PCDHA4: variants seen among roughly 807,000 people sequenced by gnomAD.
PCDHA4 encodes protocadherin alpha-4.
In PCDHA4, 49 loss-of-function variants were observed where a neutral mutation model predicts 61.4. That is an observed-to-expected ratio of 0.80 (90% CI 0.63 to 1.01). The LOEUF is 1.01. Among genes scored for constraint, PCDHA4 ranks in the 50% least tolerant of loss-of-function variants. PCDHA4 has a pLI of 0.00. For synonymous variants in PCDHA4, 590 were observed against 550.3 expected (o/e 1.07, Z -1.01); for missense variants, 1,254 against 1,235.8 (o/e 1.01, Z -0.22).
intron 1 of PCDHA4, among the ~76,000 whole-genome samples, chr5:140,932,112 T>C (rs1211067626): frequency 6.6e-6 from 1 of 151,944 alleles, no homozygotes; most frequent in African/African-American, 2.4e-5. Flanking sequence ...GTATTTCCAA[T>C]TGATAATATT....
intron 1 of PCDHA4, chr5:140,830,542 C>T: frequency 2.5e-6 from 3 of 1,194,226 alleles, no homozygotes; most frequent in Non-Finnish European, 3.4e-6. Flanking sequence ...TAATTGTTTT[C>T]CTCATATTTG....
intron 1 of PCDHA4, chr5:140,856,261 G>C (rs782582964): frequency 6.3e-7 from 1 of 1,598,154 alleles, no homozygotes. Context: ...AAAGACACGG[G>C]GACCTTCTGG....
chr5:140,888,271 T>A (rs1466153758), intron 1 of PCDHA4, among the ~76,000 whole-genome samples: 2 of 152,068 alleles, frequency 1.3e-5, no homozygotes, highest in African/African-American at 4.8e-5. Context: ...TAAGAAACAG[T>A]TTTGTCCCCT....
At chr5:140,857,933 G>A (rs1554150890) in intron 1 of PCDHA4, 2 of 1,597,790 alleles carry the variant, frequency 1.3e-6, no homozygotes, top group Admixed American at 1.7e-5. Context: ...GTACACGGGC[G>A]AGATCAGTAC....
chr5:140,876,870 G>A (rs1278762768), intron 1 of PCDHA4: 2 of 1,614,000 alleles, frequency 1.2e-6, no homozygotes, highest in Non-Finnish European at 1.7e-6. Flanking sequence ...TCGTGAAGGA[G>A]AACAACCCGC....
chr5:140,915,937 G>A (rs782632336), intron 1 of PCDHA4, among the ~76,000 whole-genome samples: 7 of 152,104 alleles, frequency 4.6e-5, no homozygotes, highest in African/African-American at 7.2e-5. Flanking sequence ...GTCAGGGATT[G>A]GAGTCAAAAT....
chr5:140,999,215 C>A (rs1290752092), intron 3 of PCDHA4, among the ~76,000 whole-genome samples: 1 of 152,140 alleles, frequency 6.6e-6, no homozygotes, highest in East Asian at 1.9e-4. Context: ...TCTGGAAGTA[C>A]TACATTTGAG....
intron 2 of PCDHA4, 93 bp downstream of exon 2, chr5:140,979,100 A>C (rs1325676942): frequency 6.5e-7 from 1 of 1,545,710 alleles, no homozygotes; most frequent in African/African-American, 1.4e-5. Context: ...CAGCTGTCAA[A>C]ACTAAAAAGC....
At chr5:140,934,561 TTTAA>T (rs549996624) in intron 1 of PCDHA4, among the ~76,000 whole-genome samples, 1 of 152,208 alleles carries the variant, frequency 6.6e-6, no homozygotes, top group South Asian at 2.1e-4. Flanking sequence ...TCTTCTTTTT[TTTAA>T]TTAATTGTAA....
At chr5:140,975,027 C>G (rs1235916815) in intron 1 of PCDHA4, among the ~76,000 whole-genome samples, 1 of 152,082 alleles carries the variant, frequency 6.6e-6, no homozygotes, top group Non-Finnish European at 1.5e-5. Flanking sequence ...GCTGTGTTGT[C>G]CTTTGCAGGC....
At chr5:140,877,468 C>T in intron 1 of PCDHA4, 1 of 1,613,808 alleles carries the variant, frequency 6.2e-7, no homozygotes, top group Non-Finnish European at 8.5e-7. Context: ...GGCCACGGTG[C>T]TGGTGTCGCT....
At chr5:140,889,176 A>T (rs2062131208) in intron 1 of PCDHA4, among the ~76,000 whole-genome samples, 1 of 151,738 alleles carries the variant, frequency 6.6e-6, no homozygotes, top group South Asian at 2.1e-4. Context: ...CAAGTTATAA[A>T]TAAGAATCTA....
chr5:140,834,414 G>T, intron 1 of PCDHA4: 1 of 1,611,396 alleles, frequency 6.2e-7, no homozygotes. Flanking sequence ...CGACCCAGGG[G>T]GCCGACATCT....
chr5:140,988,009 A>C (rs1223658003), intron 3 of PCDHA4, among the ~76,000 whole-genome samples: 3 of 152,204 alleles, frequency 2.0e-5, no homozygotes, highest in Non-Finnish European at 4.4e-5. Context: ...CCCCAGAAAG[A>C]AAGCATGATT....
In PCDHA4 at chr5:140,807,132, T is replaced by C; in HGVS notation, c.-56T>C. 1.9e-6 allele frequency: 3 copies of C among 1,559,298 alleles called. No homozygotes were observed. The highest frequency in any genetic ancestry group is 1.7e-6 in the Non-Finnish European group (2 of 1,149,754). Reference sequence around the variant, plus strand: ...TGCACTTGACTGACCGATTAAAAGATTTCCCTTGACTTTGAGAAACGATAT... The same window carrying C: ...TGCACTTGACTGACCGATTAAAAGACTTCCCTTGACTTTGAGAAACGATAT... On this transcript the variant is annotated 5_prime_UTR_variant, in exon 1 of 4. Transcript: ENST00000530339.
Position 141,010,435 on chromosome 5 carries a change from A to C in PCDHA4, c.*498A>C. 1 of 1,039,068 alleles carries C rather than the reference A, an allele frequency of 9.6e-7. No individual in the cohort carries two copies. The highest frequency in any genetic ancestry group is 1.4e-6 in the Non-Finnish European group (1 of 739,892). The allele number at this position is 1,039,068 out of a possible 1,614,324, so 64.4% of individuals were successfully genotyped here. A position where few individuals can be genotyped will look rare whatever the true frequency, so the allele number is the denominator to read the frequency against. On this transcript the variant is annotated 3_prime_UTR_variant, in exon 4 of 4. Transcript: ENST00000530339. ...TGGTACAAGGAAGGCAAGAAAACAA[A>C]GACAAATAAACAGCGGAAGTTATCA...
At chr5:140,928,890 CTT>C in intron 1 of PCDHA4, 1 of 1,614,182 alleles carries the variant, frequency 6.2e-7, no homozygotes, top group South Asian at 1.1e-5. Context: ...TACTTCCAGA[CTT>C]TGAAGATGTC....
chr5:140,871,326 C>T (rs2052980774), intron 1 of PCDHA4: 1 of 1,613,978 alleles, frequency 6.2e-7, no homozygotes, highest in African/African-American at 1.3e-5. Context: ...TGGTGTGCTC[C>T]CGCGCGGTGG....
At chr5:140,880,791 A>G (rs950375774) in intron 1 of PCDHA4, among the ~76,000 whole-genome samples, 4 of 152,242 alleles carry the variant, frequency 2.6e-5, no homozygotes, top group Non-Finnish European at 4.4e-5. Context: ...GAGGAGTAAT[A>G]TAAATAGGTG....
Sources: allele counts gnomAD v4.1 joint callset (sites outside exome capture counted in the v4.1 genomes callset), GRCh38; gene constraint gnomAD v4.1.1; transcripts MANE v1.5; gene names NCBI Gene and HGNC (gene_info 2026-07-23, HGNC 2026-07-21).